The following SLC14A2 variants were observed in gnomAD, a reference collection of about 807,000 sequenced individuals.
SLC14A2 encodes urea transporter 2.
Under a neutral mutation model 104.6 loss-of-function variants are expected in SLC14A2, and 91 were observed. That is an observed-to-expected ratio of 0.87 (90% confidence interval 0.73 to 1.04). SLC14A2 has a LOEUF of 1.04. Ranked by LOEUF, SLC14A2 falls within the 50% of genes least tolerant of loss-of-function variation. SLC14A2 has a pLI of 0.00. For missense variants in SLC14A2, 1,189 were observed against 1,156.0 expected (o/e 1.03, Z -0.41); for synonymous variants, 476 against 466.4 (o/e 1.02, Z -0.27).
rs1000299699 is a variant in SLC14A2, at chr18:45,225,599, T to C, written c.-125+12408T>C. Among the ~76,000 whole-genome samples the C allele has an allele frequency of 2.4e-3, 371 of 152,200 alleles. 3 individuals are homozygous for C. Among genetic ancestry groups the C allele is most frequent in the Admixed American group, 4.1e-3 (62 of 15,292 alleles). On this transcript the variant is annotated intron_variant, in intron 1 of 20. Coordinates refer to the SLC14A2 transcript ENST00000586448. ...ACCTTGGGCAGTATGGCCATTCTCA[T>C]GATATTGATTCTTCCTATCCATGAG...
intron 2 of SLC14A2, among the ~76,000 whole-genome samples, chr18:45,561,162 G>A (rs1336552485): frequency 1.3e-5 from 2 of 152,146 alleles, no homozygotes; most frequent in Non-Finnish European, 2.9e-5. Context: ...GCCTGGACCA[G>A]GCAGAAGAGT....
At chr18:45,554,120 C>T (rs938167670) in intron 2 of SLC14A2, among the ~76,000 whole-genome samples, 15 of 152,210 alleles carry the variant, frequency 9.9e-5, no homozygotes, top group Admixed American at 9.2e-4. Flanking sequence ...CCGAAGCTTG[C>T]GGTATGGTAG....
At chr18:45,435,035 A>C (rs1029186940) in intron 1 of SLC14A2, among the ~76,000 whole-genome samples, 2 of 152,210 alleles carry the variant, frequency 1.3e-5, no homozygotes, top group Admixed American at 1.3e-4. Context: ...TCTATAATTC[A>C]AGACTCTGTT....
chr18:45,363,726 G>A (rs1244456406), intron 1 of SLC14A2, among the ~76,000 whole-genome samples: 2 of 152,144 alleles, frequency 1.3e-5, no homozygotes, highest in East Asian at 3.9e-4. Flanking sequence ...TAACACATTG[G>A]GTCTTTGCCA....
chr18:45,675,204 G>T (rs1025034431), intron 18 of SLC14A2, among the ~76,000 whole-genome samples: 3 of 152,336 alleles, frequency 2.0e-5, no homozygotes, highest in Middle Eastern at 3.4e-3. Context: ...TTAAGCCCCT[G>T]TAGGTGGATC....
intron 2 of SLC14A2, among the ~76,000 whole-genome samples, chr18:45,524,711 C>T (rs1407259124): frequency 1.3e-5 from 2 of 152,096 alleles, no homozygotes; most frequent in Non-Finnish European, 1.5e-5. Flanking sequence ...AACACAGGAC[C>T]GTATACGAAA....
In SLC14A2 at chr18:45,317,340, T is replaced by C. The variant is rs570507145; in HGVS notation, c.-125+104149T>C. Among the ~76,000 whole-genome samples the C allele has an allele frequency of 1.5e-3, 228 of 152,348 alleles. 5 individuals are homozygous for C. The highest frequency in any genetic ancestry group is 5.4e-3 in the South Asian group (26 of 4,826). On this transcript the variant is annotated intron_variant, in intron 1 of 20. Transcript: ENST00000586448. ...AGCATCTACTATGTGCCAGACATCA[T>C]GCTATGTTCTCAAAGAGCTTAAGGG... is the stretch of plus-strand genomic sequence containing the variant.
intron 18 of SLC14A2, among the ~76,000 whole-genome samples, chr18:45,674,023 G>A (rs772748891): frequency 6.6e-6 from 1 of 152,126 alleles, no homozygotes; most frequent in Non-Finnish European, 1.5e-5. Context: ...TCTCCTGGCG[G>A]GGGTTGGAGC....
At chr18:45,255,741 T>C (rs950982730) in intron 1 of SLC14A2, among the ~76,000 whole-genome samples, 1 of 152,156 alleles carries the variant, frequency 6.6e-6, no homozygotes, top group South Asian at 2.1e-4. Context: ...TTATTTCAAA[T>C]ACTTGTGGTT....
chr18:45,660,616 A>C (rs2045922058), intron 10 of SLC14A2, among the ~76,000 whole-genome samples: 1 of 152,208 alleles, frequency 6.6e-6, no homozygotes, highest in Non-Finnish European at 1.5e-5. Context: ...TTCTGGGAGA[A>C]TTTCATGCCT....
At chr18:45,417,779 T>TA (rs996845165) in intron 1 of SLC14A2, among the ~76,000 whole-genome samples, 12 of 151,796 alleles carry the variant, frequency 7.9e-5, no homozygotes, top group South Asian at 4.2e-4. Flanking sequence ...GATAATTACT[T>TA]AAAAAAAAAT....
intron 1 of SLC14A2, among the ~76,000 whole-genome samples, chr18:45,213,450 T>C (rs2083979254): frequency 6.6e-6 from 1 of 152,208 alleles, no homozygotes; most frequent in Non-Finnish European, 1.5e-5. Flanking sequence ...TAGGGAATTG[T>C]TACTACTATA....
At chr18:45,257,913 C>G (rs1159475096) in intron 1 of SLC14A2, among the ~76,000 whole-genome samples, 1 of 152,166 alleles carries the variant, frequency 6.6e-6, no homozygotes, top group African/African-American at 2.4e-5. Context: ...GGAGAAATAT[C>G]AGGCACAACT....
At chr18:45,609,104 C>G (rs1053294878) in intron 2 of SLC14A2, among the ~76,000 whole-genome samples, 1 of 152,166 alleles carries the variant, frequency 6.6e-6, no homozygotes, top group Non-Finnish European at 1.5e-5. Flanking sequence ...GCTGTTGCCC[C>G]CTTCAGAGTA....
chr18:45,537,100 A>G (rs2043804613), intron 2 of SLC14A2, among the ~76,000 whole-genome samples: 2 of 140,458 alleles, frequency 1.4e-5, no homozygotes, highest in South Asian at 2.3e-4. Context: ...AAATATTTAT[A>G]GACCACCATT....
chr18:45,190,150 T>G, the SLC14A2 span, among the ~76,000 whole-genome samples: 1 of 152,238 alleles, frequency 6.6e-6, no homozygotes, highest in Non-Finnish European at 1.5e-5. Context: ...GCATACAAAG[T>G]GATTTTTATA....
At chr18:45,295,005 T>A (rs1318025804) in intron 1 of SLC14A2, among the ~76,000 whole-genome samples, 3 of 152,242 alleles carry the variant, frequency 2.0e-5, no homozygotes, top group Admixed American at 1.3e-4. Context: ...ATTGTTTCAT[T>A]CCTTTACTCA....
At chr18:45,237,294 TAG>T (rs1330905820) in intron 1 of SLC14A2, among the ~76,000 whole-genome samples, 1 of 152,158 alleles carries the variant, frequency 6.6e-6, no homozygotes, top group Non-Finnish European at 1.5e-5. Flanking sequence ...AGGAAAACAC[TAG>T]ACCCCTTGTT....
the SLC14A2 span, among the ~76,000 whole-genome samples, chr18:45,180,785 G>T: frequency 6.6e-6 from 1 of 152,104 alleles, no homozygotes; most frequent in African/African-American, 2.4e-5. Flanking sequence ...GAAGAATTCA[G>T]AACATGATAT....
Sources: gnomAD v4.1 joint callset for allele counts (sites outside exome capture counted in the v4.1 genomes callset) on GRCh38, gnomAD v4.1.1 for gene constraint, MANE v1.5 for transcripts, NCBI Gene and HGNC (gene_info 2026-07-23, HGNC 2026-07-21) for gene names.